PLEKHA6: variants seen among roughly 807,000 people sequenced by gnomAD.
PLEKHA6 encodes the protein pleckstrin homology domain containing A6.
Under a neutral mutation model 116.7 loss-of-function variants are expected in PLEKHA6, and 60 were observed. The observed-to-expected ratio is 0.51, with a 90% CI of 0.42 to 0.64. PLEKHA6 has a LOEUF of 0.64. PLEKHA6 is among the 30% of genes least tolerant of loss of function. The pLI is 0.00. For missense variants in PLEKHA6, 1,338 were observed against 1,422.7 expected (o/e 0.94, Z 0.96); for synonymous variants, 489 against 556.1 (o/e 0.88, Z 1.70).
At position 204,259,402 on chromosome 1, in the gene PLEKHA6, T is replaced by G. The variant is rs779459555; in HGVS notation, c.863A>C (p.Gln288Pro). Residue 288 changes from glutamine (Q) to proline (P), a missense_variant, in exon 8 of 23, where the codon CAG becomes CCG. Transcript: ENST00000272203. This position sits in a 1 kb window ranked among gnomAD's most constrained non-coding sequence, Gnocchi z 4.6. ...SRPGSTAFPSQDGETGGHRRS... is the reference protein window; with the variant it reads ...SRPGSTAFPSPDGETGGHRRS... ...CCGGTGTCCCCCAGTCTCTCCATCC[T>G]GAGACGGGAAAGCTGTGCTCCCTGG... 57 of 1,614,116 alleles carry G rather than the reference T, an allele frequency of 3.5e-5. No individual in the cohort carries two copies. In the African/African-American group the frequency reaches 6.5e-4, roughly 19 times the overall value.
At chr1:204,332,292 C>T (rs543413071) in intron 1 of PLEKHA6, among the ~76,000 whole-genome samples, 1 of 152,354 alleles carries the variant, frequency 6.6e-6, no homozygotes, top group East Asian at 1.9e-4. Flanking sequence ...TCCCCACACT[C>T]ACTGATCTTC....
At chr1:204,304,060 T>C (rs17405580) in intron 1 of PLEKHA6, among the ~76,000 whole-genome samples, 30,045 of 152,074 alleles carry the variant, frequency 0.2, 3,487 homozygotes, top group Non-Finnish European at 0.26. Context: ...ATTTCAAAAA[T>C]TGATATCAAG....
intron 1 of PLEKHA6, among the ~76,000 whole-genome samples, chr1:204,308,596 G>A (rs1276164281): frequency 1.3e-5 from 2 of 151,810 alleles, no homozygotes; most frequent in Non-Finnish European, 2.9e-5. Context: ...ATGTATACAG[G>A]GGCACATGGT....
At chr1:204,253,801 T>C (rs1390265323) in intron 9 of PLEKHA6, among the ~76,000 whole-genome samples, 1 of 145,886 alleles carries the variant, frequency 6.9e-6, no homozygotes, top group East Asian at 2.0e-4. Context: ...GCCACTATAC[T>C]CTAGCCTAGG....
chr1:204,328,574 T>C (rs1488626166), intron 1 of PLEKHA6, among the ~76,000 whole-genome samples: 3 of 149,432 alleles, frequency 2.0e-5, no homozygotes, highest in East Asian at 2.0e-4. Context: ...TTAGTAGAGA[T>C]GGGGTTTCTC....
intron 21 of PLEKHA6, among the ~76,000 whole-genome samples, chr1:204,225,255 G>A (rs767539887): frequency 1.8e-4 from 27 of 152,050 alleles, no homozygotes; most frequent in Non-Finnish European, 4.4e-5. Flanking sequence ...AACAGAGATC[G>A]GCAAAATAAA....
In PLEKHA6 at chr1:204,277,889, C is replaced by T. The variant is rs568296205; in HGVS notation, c.-94-3080G>A. 1.3e-5 allele frequency: 2 copies of T among 152,388 alleles called. No homozygotes were observed. The highest frequency in any genetic ancestry group is 1.9e-4 in the East Asian group (1 of 5,180). The allele number at this position is 152,388 out of a possible 1,614,324, so 9.4% of individuals were successfully genotyped here. A position where few individuals can be genotyped will look rare whatever the true frequency, so the allele number is the denominator to read the frequency against. ...CCAGATGGGCGTGGATGCTGTGGAA[C>T]CAGAGCTGGTGGCTAGGATGGGGCT... On this transcript the variant is annotated intron_variant, in intron 1 of 22. Coordinates refer to ENST00000272203, the MANE Select transcript of PLEKHA6 (RefSeq NM_014935.5). This position sits in a 1 kb window ranked among gnomAD's most constrained non-coding sequence, Gnocchi z 4.1.
intron 1 of PLEKHA6, among the ~76,000 whole-genome samples, chr1:204,275,452 C>T (rs1667901113): frequency 6.6e-6 from 1 of 152,062 alleles, no homozygotes; most frequent in Non-Finnish European, 1.5e-5. Flanking sequence ...AGTCCAGTCT[C>T]ATTAAGGGAT....
chr1:204,268,720 G>T (rs1022771301), intron 3 of PLEKHA6, among the ~76,000 whole-genome samples: 1 of 151,508 alleles, frequency 6.6e-6, no homozygotes, highest in African/African-American at 2.4e-5. Context: ...TGGGAGTCCT[G>T]TTCGTCATCT....
Position 204,223,402 on chromosome 1 carries a change from G to A in PLEKHA6, c.*8+60C>T. On this transcript the variant is annotated intron_variant, in intron 22 of 22. Transcript: ENST00000272203. This position sits in a 1 kb window ranked among gnomAD's most constrained non-coding sequence, Gnocchi z 4.8. ...AATGAGAGGGCATAGATGGCTCAAT[G>A]GGGGTGAAGGAAGGGGCCCCACTCC... The A allele has an allele frequency of 1.2e-6, 1 of 835,080 alleles. No individual in the cohort carries two copies. The allele number at this position is 835,080 out of a possible 1,614,324, so 51.7% of individuals were successfully genotyped here.
intron 1 of PLEKHA6, among the ~76,000 whole-genome samples, chr1:204,333,690 G>A (rs552467289): frequency 2.0e-5 from 3 of 152,120 alleles, no homozygotes; most frequent in Non-Finnish European, 2.9e-5. Context: ...GCTTCAGCAG[G>A]CCAGGCCTCA....
In PLEKHA6 at chr1:204,219,033, G is replaced by A. The variant is rs145342234; in HGVS notation, c.*3755C>T. On this transcript the variant is annotated 3_prime_UTR_variant, in exon 23 of 23. Coordinates refer to ENST00000272203, the MANE Select transcript of PLEKHA6 (RefSeq NM_014935.5). ...TCCTGGGGAGGGGGCTCATTGGCTAGAAAGATGCTAAGGGGATGCTACAGC... is the reference window on the plus strand; with the variant it reads ...TCCTGGGGAGGGGGCTCATTGGCTAAAAAGATGCTAAGGGGATGCTACAGC... 431 of 152,678 alleles carry A rather than the reference G, an allele frequency of 2.8e-3. 5 individuals are homozygous for A. The highest frequency in any genetic ancestry group is 0.019 in the Admixed American group (287 of 15,300). 9.5% of individuals were successfully genotyped at this position (152,678 alleles called of 1,614,324 possible).
In PLEKHA6 at chr1:204,247,428, G is replaced by A. The variant is rs780442283; in HGVS notation, c.1857C>T (p.His619=). The change falls in exon 13 of 23, where the codon CAC becomes CAT. Residue 619 remains histidine (H), a synonymous_variant. Transcript: ENST00000272203. ...ALTNSTIEYE[H]LESEVSALHD... is the part of the protein sequence containing the mutation. ...GCAGGGCAGAGACCTCAGACTCGAG[G>A]TGCTCATACTCTATGGTGCTGTTTG... is the stretch of plus-strand genomic sequence containing the variant. 2 of 1,613,182 alleles carry A rather than the reference G, an allele frequency of 1.2e-6. No individual in the cohort carries two copies. Among genetic ancestry groups the A allele is most frequent in the African/African-American group, 2.7e-5 (2 of 74,890 alleles).
At position 204,226,266 on chromosome 1, in the gene PLEKHA6, T is replaced by G. The variant is rs577593707; in HGVS notation, c.3031+1817A>C. On this transcript the variant is annotated intron_variant, in intron 21 of 22. Coordinates refer to ENST00000272203, the MANE Select transcript of PLEKHA6 (RefSeq NM_014935.5). ...AGCCCTTTTTTAAATAGTTGGGGTT[T>G]TGGCAAAAGCAAGGTGACCGTTTGG... is the stretch of plus-strand genomic sequence containing the variant. 2.6e-5 allele frequency among the ~76,000 whole-genome samples: 4 copies of G among 152,302 alleles called. No homozygotes were observed. The South Asian group carries it at 8.3e-4, about 32-fold the overall frequency.
At chr1:204,341,356 C>T (rs946318072) in intron 1 of PLEKHA6, among the ~76,000 whole-genome samples, 14 of 152,158 alleles carry the variant, frequency 9.2e-5, no homozygotes, top group Admixed American at 6.5e-4. Flanking sequence ...AGGGTAGGGG[C>T]CCAGGAACAT....
chr1:204,356,335 G>T (rs568001958), intron 1 of PLEKHA6, among the ~76,000 whole-genome samples: 1 of 152,188 alleles, frequency 6.6e-6, no homozygotes, highest in African/African-American at 2.4e-5. Flanking sequence ...CACTTTGGGA[G>T]GCCGACGTGG....
In PLEKHA6 at chr1:204,241,424, G is replaced by A. The variant is rs779091300; in HGVS notation, c.2360C>T (p.Ala787Val). The A allele has an allele frequency of 2.4e-5, 39 of 1,611,608 alleles. No individual in the cohort carries two copies. Among genetic ancestry groups the A allele is most frequent in the Non-Finnish European group, 3.1e-5 (37 of 1,179,152 alleles). Residue 787 changes from alanine to valine, a missense_variant, in exon 17 of 23, where the codon GCA becomes GTA. This residue lies in a region of PLEKHA6 where 1,136 missense variants were observed against 1,163.6 expected (regional missense o/e 0.98). Transcript: ENST00000272203. ...CCCACTGGCATTCCTTCTTACCACT[G>A]CTGATGGGGTCACCTCATCATCAGT... is the stretch of plus-strand genomic sequence containing the variant. ...SPTDDEVTPS[A>V]VVRRNASGLT... is the part of the protein sequence containing the mutation.
Position 204,220,218 on chromosome 1 carries a change from G to C in PLEKHA6, c.*2570C>G, listed in dbSNP as rs1437546221. ...AGAGGGGTAGTCTAGCAGCCCATCT[G>C]GGGTGCATGCCTGCATGGGTCTCCT... On this transcript the variant is annotated 3_prime_UTR_variant, in exon 23 of 23. Coordinates refer to ENST00000272203, the MANE Select transcript of PLEKHA6 (RefSeq NM_014935.5). The C allele has an allele frequency of 6.6e-6, 1 of 152,298 alleles. No individual in the cohort carries two copies. Among genetic ancestry groups the C allele is most frequent in the East Asian group, 1.9e-4 (1 of 5,200 alleles). The allele number at this position is 152,298 out of a possible 1,614,324, so 9.4% of individuals were successfully genotyped here. A position where few individuals can be genotyped will look rare whatever the true frequency, so the allele number is the denominator to read the frequency against.
chr1:204,224,972 A>G (rs140718667), intron 21 of PLEKHA6, among the ~76,000 whole-genome samples: 6 of 152,322 alleles, frequency 3.9e-5, no homozygotes, highest in East Asian at 1.9e-4. Context: ...ATTTACTCAT[A>G]TGGACCCCCT....
Sources: allele counts gnomAD v4.1 joint callset (sites outside exome capture counted in the v4.1 genomes callset), GRCh38; gene constraint gnomAD v4.1.1; regional missense constraint gnomAD v4.1.1; non-coding constraint Gnocchi (gnomAD v3.1); transcripts MANE v1.5; gene names NCBI Gene and HGNC (gene_info 2026-07-23, HGNC 2026-07-21).